The following PLB1 variants were observed in gnomAD, a reference collection of about 807,000 sequenced individuals.
PLB1 encodes the protein phospholipase B1.
Under a neutral mutation model 227.4 loss-of-function variants are expected in PLB1, and 242 were observed. The ratio of observed to expected loss-of-function variants is 1.06; its 90% CI spans 0.96 to 1.18. The LOEUF (loss-of-function observed/expected upper bound fraction) is 1.18. Among genes scored for constraint, PLB1 ranks in the 50% most tolerant of loss-of-function variants. The probability of loss-of-function intolerance (pLI) is 0.00; values close to 1 mark genes in which losing one functional copy is unlikely to be tolerated. For synonymous variants in PLB1, 757 were observed against 682.2 expected (o/e 1.11, Z -1.71); for missense variants, 1,858 against 1,816.3 (o/e 1.02, Z -0.42).
chr2:28,500,557 A>G (rs1179974969), intron 1 of PLB1, among the ~76,000 whole-genome samples: 1 of 152,070 alleles, frequency 6.6e-6, no homozygotes, highest in Admixed American at 6.6e-5. Context: ...TGCTATTGTC[A>G]GTTGGGTTTC....
At chr2:28,566,758 T>C in intron 19 of PLB1, 38 bp from the exon 20 acceptor site, 1 of 1,611,840 alleles carries the variant, frequency 6.2e-7, no homozygotes, top group Non-Finnish European at 8.5e-7. Context: ...TGGCTGGGAT[T>C]TTAACCCTTC....
At chr2:28,607,233 C>T (rs1186654166) in intron 43 of PLB1, among the ~76,000 whole-genome samples, 1 of 152,148 alleles carries the variant, frequency 6.6e-6, no homozygotes, top group Non-Finnish European at 1.5e-5. Flanking sequence ...CCAAATAAGG[C>T]CAAGGCCAGA....
chr2:28,623,839 C>G (rs534514966), intron 49 of PLB1, among the ~76,000 whole-genome samples: 2 of 152,224 alleles, frequency 1.3e-5, no homozygotes, highest in Non-Finnish European at 2.9e-5. Flanking sequence ...CGGTGGCTCA[C>G]GCCTCTAATC....
rs1690151028 is a variant in PLB1 at position 28,643,089 on chromosome 2, T to C, written c.*28T>C. ...CCGGGGGTGGGTCCTCACCCTAAAC[T>C]CCCTATAGCCACTCTCTTCACCGCC... On this transcript the variant is annotated 3_prime_UTR_variant, in exon 58 of 58. Coordinates refer to ENST00000327757, the MANE Select transcript of PLB1 (RefSeq NM_153021.5). The C allele has an allele frequency of 6.5e-7, 1 of 1,547,846 alleles. No homozygotes were observed. Among genetic ancestry groups the C allele is most frequent in the South Asian group, 1.2e-5 (1 of 82,898 alleles).
At position 28,562,179 on chromosome 2, in the gene PLB1, G is replaced by GC. The variant is rs1676153593; in HGVS notation, c.1148-862_1148-861insC. 2.6e-5 allele frequency among the ~76,000 whole-genome samples: 4 copies of GC among 152,212 alleles called. 1 individual carries two copies. In the South Asian group the frequency reaches 8.3e-4, roughly 32 times the overall value. On this transcript the variant is annotated intron_variant, in intron 17 of 57. Transcript: ENST00000327757. The stretch of plus-strand genomic sequence containing the variant: ...AGAGGTGATAGTTGCACAACATTGT[G>GC]AATAGACTAAATGCCACTGAACTGT...
intron 17 of PLB1, among the ~76,000 whole-genome samples, chr2:28,556,891 G>C (rs1192153340): frequency 6.6e-6 from 1 of 152,150 alleles, no homozygotes. Flanking sequence ...TCATTGATTT[G>C]ACCCATTTGG....
chr2:28,535,399 G>C (rs1416039191), intron 9 of PLB1, among the ~76,000 whole-genome samples: 2 of 152,200 alleles, frequency 1.3e-5, no homozygotes, highest in Middle Eastern at 3.2e-3. Context: ...AGGCCCTGTG[G>C]CTCCTAGGCC....
chr2:28,608,886 A>G (rs780927845), intron 43 of PLB1, among the ~76,000 whole-genome samples: 1 of 151,570 alleles, frequency 6.6e-6, no homozygotes, highest in Non-Finnish European at 1.5e-5. Flanking sequence ...ATATTCTCCA[A>G]TTTTCATGTC....
At chr2:28,602,100 G>C (rs1390572158) in intron 38 of PLB1, 136 bp downstream of exon 38, 3 of 851,378 alleles carry the variant, frequency 3.5e-6, no homozygotes, top group Non-Finnish European at 3.8e-6. Flanking sequence ...CCTTTTCAGA[G>C]GTTGGGGTCT....
chr2:28,598,156 C>A, intron 34 of PLB1, 108 bp downstream of exon 34: 1 of 936,726 alleles, frequency 1.1e-6, no homozygotes, highest in Non-Finnish European at 1.6e-6. Flanking sequence ...TGCCTTATGG[C>A]CCAGCATTTA....
chr2:28,598,770 T>C lies in PLB1; in HGVS notation c.2474+10T>C, dbSNP rs1199283557. Reference sequence around the variant, plus strand: ...CCGGAGCAAAGGCTGAGTATGGCATTTGGGGAGGGAGGGAGCCTGCAGAGC... The same window carrying C: ...CCGGAGCAAAGGCTGAGTATGGCATCTGGGGAGGGAGGGAGCCTGCAGAGC... On this transcript the variant is annotated intron_variant, in intron 35 of 57. Coordinates refer to ENST00000327757, the MANE Select transcript of PLB1 (RefSeq NM_153021.5). The C allele has an allele frequency of 1.9e-6, 3 of 1,604,708 alleles. No individual in the cohort carries two copies. The highest frequency in any genetic ancestry group is 2.7e-5 in the African/African-American group (2 of 74,720).
At chr2:28,638,639 A>ATGAC (rs1689638615) in intron 56 of PLB1, among the ~76,000 whole-genome samples, 1 of 151,822 alleles carries the variant, frequency 6.6e-6, no homozygotes, top group African/African-American at 2.4e-5. Flanking sequence ...GGAACAAAGG[A>ATGAC]TGACTTTTTG....
At chr2:28,535,205 A>C (rs1678121968) in intron 9 of PLB1, among the ~76,000 whole-genome samples, 1 of 152,254 alleles carries the variant, frequency 6.6e-6, no homozygotes, top group Non-Finnish European at 1.5e-5. Flanking sequence ...CCTCATTTTT[A>C]AACAGCTGTA....
intron 9 of PLB1, among the ~76,000 whole-genome samples, chr2:28,537,053 C>T (rs915654837): frequency 3.3e-5 from 5 of 152,284 alleles, no homozygotes; most frequent in Admixed American, 6.5e-5. Context: ...TTTGATGTCA[C>T]GGTCAGGGAG....
chr2:28,509,026 A>T (rs970606546), intron 1 of PLB1, among the ~76,000 whole-genome samples: 14 of 152,162 alleles, frequency 9.2e-5, no homozygotes, highest in African/African-American at 3.1e-4. Flanking sequence ...TTTGATCCTC[A>T]TAACGACCTC....
At chr2:28,611,910 G>A (rs531235156) in intron 43 of PLB1, among the ~76,000 whole-genome samples, 41 of 151,074 alleles carry the variant, frequency 2.7e-4, no homozygotes, top group African/African-American at 9.4e-4. Context: ...GGAGGCTGAG[G>A]CGGGCGGATC....
intron 33 of PLB1, among the ~76,000 whole-genome samples, chr2:28,596,471 T>A (rs925896369): frequency 3.9e-5 from 6 of 152,196 alleles, no homozygotes; most frequent in African/African-American, 1.4e-4. Context: ...AAACAAGAAA[T>A]TACAGTAGGA....
At chr2:28,611,911 C>T (rs1234010822) in intron 43 of PLB1, among the ~76,000 whole-genome samples, 2 of 150,786 alleles carry the variant, frequency 1.3e-5, no homozygotes, top group South Asian at 4.2e-4. Flanking sequence ...GAGGCTGAGG[C>T]GGGCGGATCA....
At chr2:28,543,936 G>A (rs565508660) in intron 14 of PLB1, among the ~76,000 whole-genome samples, 48 of 152,336 alleles carry the variant, frequency 3.2e-4, no homozygotes, top group African/African-American at 1.1e-3. Flanking sequence ...ATGTGGCGTC[G>A]ACGTCGAGGC....
Sources: gnomAD v4.1 joint callset for allele counts (sites outside exome capture counted in the v4.1 genomes callset) on GRCh38, gnomAD v4.1.1 for gene constraint, MANE v1.5 for transcripts, NCBI Gene and HGNC (gene_info 2026-07-23, HGNC 2026-07-21) for gene names.